RGPD2: variants seen among roughly 807,000 people sequenced by gnomAD.
RGPD2 encodes the protein RANBP2-like and GRIP domain-containing protein 2.
A neutral mutation model predicts 36.0 loss-of-function variants in RGPD2; 2 were observed. The observed-to-expected ratio is 0.06, with a 90% CI of 0.02 to 0.17. The LOEUF (loss-of-function observed/expected upper bound fraction) is 0.17, where lower values mean the gene tolerates loss of function less well. RGPD2 is among the 10% of genes least tolerant of loss of function. RGPD2 has a pLI of 1.00. For missense variants in RGPD2, 40 were observed against 464.3 expected (o/e 0.09, Z 8.40); for synonymous variants, 19 against 163.8 (o/e 0.12, Z 6.75).
At chr2:87,769,857 T>C (rs1243959443) in intron 22 of RGPD2, among the ~76,000 whole-genome samples, 1 of 152,106 alleles carries the variant, frequency 6.6e-6, no homozygotes, top group Non-Finnish European at 1.5e-5. Flanking sequence ...AAATTAGGTT[T>C]ACTTTTGTTA....
rs992462711 is a variant in RGPD2 at position 87,807,380 on chromosome 2, G to GTTTT, written c.780-493_780-490dup. ...ATATAGATCATTACAGCGTTAAATT[G>GTTTT]TTTTTTTTTTTTTTTTTTTTTTTTG... On this transcript the variant is annotated intron_variant, in intron 6 of 22. Transcript: ENST00000398146. Among the ~76,000 whole-genome samples, 536 of 81,940 alleles carry GTTTT rather than the reference G, an allele frequency of 6.5e-3. 4 individuals carry two copies. The highest frequency in any genetic ancestry group is 0.014 in the African/African-American group (215 of 15,600). 53.8% of individuals were successfully genotyped at this position (81,940 alleles called of 152,430 possible). A position where few individuals can be genotyped will look rare whatever the true frequency, so the allele number is the denominator to read the frequency against.
At chr2:87,757,958 TG>T (rs1307184922) in intron 22 of RGPD2, among the ~76,000 whole-genome samples, 1 of 53,960 alleles carries the variant, frequency 1.9e-5, no homozygotes, top group East Asian at 6.2e-4. Context: ...TCTTGGGGGG[TG>T]GGGGTTACCC....
the RGPD2 span, among the ~76,000 whole-genome samples, chr2:87,891,499 CTA>C: frequency 2.0e-5 from 2 of 100,164 alleles, no homozygotes; most frequent in African/African-American, 7.8e-5. Flanking sequence ...CTTCTTAGGT[CTA>C]TTGCTCTGTT....
the RGPD2 span, among the ~76,000 whole-genome samples, chr2:87,846,338 A>T: frequency 6.6e-6 from 1 of 152,120 alleles, no homozygotes; most frequent in Non-Finnish European, 1.5e-5. Context: ...CAATGCTTGC[A>T]TACCATTGAA....
chr2:87,986,136 C>CTTTTT, the RGPD2 span, among the ~76,000 whole-genome samples: 30 of 88,482 alleles, frequency 3.4e-4, 2 homozygotes, highest in African/African-American at 7.4e-4. Context: ...CTGAAGACAG[C>CTTTTT]TTTTTTTTTT....
At position 87,824,750 on chromosome 2, in the gene RGPD2, C is replaced by A. The variant is rs1458070620; in HGVS notation, c.72+908G>T. On this transcript the variant is annotated intron_variant, in intron 1 of 22. Transcript: ENST00000398146. ...CCGCCCGGCCAGGCCGAGGCCGCCG[C>A]CGCCGCCGCCGCCGCCGCCCGGCCA... Among the ~76,000 whole-genome samples, 337 of 88,848 alleles carry A rather than the reference C, an allele frequency of 3.8e-3. 2 individuals are homozygous for A. Among genetic ancestry groups the A allele is most frequent in the Non-Finnish European group, 6.7e-3 (275 of 41,126 alleles). The allele number at this position is 88,848 out of a possible 152,430, so 58.3% of individuals were successfully genotyped here.
the RGPD2 span, among the ~76,000 whole-genome samples, chr2:87,863,854 C>T: frequency 1.3e-5 from 2 of 151,986 alleles, no homozygotes; most frequent in Admixed American, 6.6e-5. Flanking sequence ...ATTTAAGTTA[C>T]GGGATGTCAG....
the RGPD2 span, among the ~76,000 whole-genome samples, chr2:87,893,637 TC>T: frequency 1.0e-5 from 1 of 99,684 alleles, no homozygotes; most frequent in Admixed American, 1.0e-4. Context: ...CCTCAAAGAT[TC>T]CTGACTCCTT....
upstream of RGPD2, among the ~76,000 whole-genome samples, chr2:87,827,216 T>C (rs1686837681): frequency 6.6e-6 from 1 of 152,102 alleles, no homozygotes; most frequent in Admixed American, 6.5e-5. Flanking sequence ...AAAAATGGAT[T>C]TTAAAGGTAT....
chr2:87,830,688 G>C (rs1672475081), upstream of RGPD2, among the ~76,000 whole-genome samples: 5 of 152,204 alleles, frequency 3.3e-5, no homozygotes, highest in Admixed American at 3.3e-4. Flanking sequence ...GGCTGGGGAG[G>C]CCTCACAATC....
the RGPD2 span, among the ~76,000 whole-genome samples, chr2:87,962,237 T>C: frequency 3.3e-5 from 5 of 152,038 alleles, no homozygotes; most frequent in Non-Finnish European, 5.9e-5. Flanking sequence ...TTTTTAATAG[T>C]GAGAGCCTTT....
the RGPD2 span, among the ~76,000 whole-genome samples, chr2:87,940,670 G>C: frequency 2.7e-5 from 4 of 148,116 alleles, no homozygotes; most frequent in African/African-American, 1.0e-4. Context: ...GAAAGAGAGA[G>C]AGGAAGAAAA....
the RGPD2 span, among the ~76,000 whole-genome samples, chr2:87,848,859 GGTGTGTGT>G: frequency 6.9e-6 from 1 of 144,926 alleles, no homozygotes; most frequent in Non-Finnish European, 1.5e-5. Context: ...TTGAGGGTGT[GGTGTGTGT>G]GTGTGTGTGT....
chr2:87,771,386 T>TTTG (rs1685105735), intron 22 of RGPD2: 1 of 1,176 alleles, frequency 8.5e-4, no homozygotes, highest in African/African-American at 2.9e-3. Flanking sequence ...CATCATAGTT[T>TTTG]TTTTTTTTTT....
chr2:87,984,248 T>C, the RGPD2 span, among the ~76,000 whole-genome samples: 1 of 152,192 alleles, frequency 6.6e-6, no homozygotes, highest in African/African-American at 2.4e-5. Flanking sequence ...TAAATGATGC[T>C]AGTAAGAATG....
At chr2:87,939,841 A>C in the RGPD2 span, among the ~76,000 whole-genome samples, 1 of 152,070 alleles carries the variant, frequency 6.6e-6, no homozygotes, top group Non-Finnish European at 1.5e-5. Context: ...TTGAATAGAA[A>C]GATCAGAAAA....
the RGPD2 span, among the ~76,000 whole-genome samples, chr2:87,906,778 C>T: frequency 6.7e-6 from 1 of 149,150 alleles, no homozygotes; most frequent in African/African-American, 2.5e-5. Context: ...AACCTGTAAT[C>T]CTAGCACTTT....
At chr2:87,961,924 C>T in the RGPD2 span, among the ~76,000 whole-genome samples, 35 of 143,692 alleles carry the variant, frequency 2.4e-4, no homozygotes, top group African/African-American at 7.5e-4. Context: ...AGCCCCAGCA[C>T]TTTGGGAGGT....
chr2:87,864,565 A>ACAT, the RGPD2 span, among the ~76,000 whole-genome samples: 2 of 151,264 alleles, frequency 1.3e-5, no homozygotes, highest in African/African-American at 4.9e-5. Flanking sequence ...ATATAGCTAG[A>ACAT]CATAGATAGA....
Sources: allele counts gnomAD v4.1 joint callset (sites outside exome capture counted in the v4.1 genomes callset), GRCh38; gene constraint gnomAD v4.1.1; transcripts MANE v1.5; gene names NCBI Gene and HGNC (gene_info 2026-07-23, HGNC 2026-07-21).